SGCZ: variants seen among roughly 807,000 people sequenced by gnomAD.
SGCZ encodes the protein zeta-sarcoglycan.
SGCZ carries 40 observed loss-of-function variants against 41.3 expected under a neutral mutation model. That is an observed-to-expected ratio of 0.97 (90% CI 0.75 to 1.26). The LOEUF is 1.26. Among genes scored for constraint, SGCZ ranks in the 50% most tolerant of loss-of-function variants. The pLI is 0.00. For synonymous variants in SGCZ, 206 were observed against 137.5 expected, an observed-to-expected ratio of 1.50 and a Z score of -3.49; for missense variants, 552 against 369.8, an observed-to-expected ratio of 1.49 and a Z score of -4.04.
chr8:14,784,464 A>T (rs1014930811), intron 1 of SGCZ, among the ~76,000 whole-genome samples: 6 of 152,078 alleles, frequency 3.9e-5, no homozygotes, highest in Non-Finnish European at 5.9e-5. Flanking sequence ...AATAGTATCA[A>T]ATTTGGGTAA....
chr8:14,440,653 G>A (rs1268701894), intron 2 of SGCZ, among the ~76,000 whole-genome samples: 1 of 150,018 alleles, frequency 6.7e-6, no homozygotes, highest in Non-Finnish European at 1.5e-5. Flanking sequence ...TCATATACAT[G>A]TATATATGTG....
intron 2 of SGCZ, among the ~76,000 whole-genome samples, chr8:14,325,837 G>A (rs1004324447): frequency 4.2e-5 from 6 of 144,376 alleles, no homozygotes; most frequent in African/African-American, 1.3e-4. Flanking sequence ...TGGGCCCGGC[G>A]CGGTGGCTCA....
intron 5 of SGCZ, among the ~76,000 whole-genome samples, chr8:14,123,063 G>C (rs1005312091): frequency 2.6e-5 from 4 of 152,094 alleles, no homozygotes; most frequent in Non-Finnish European, 5.9e-5. Flanking sequence ...ACCAAGTGTT[G>C]AAAAGAAGAA....
rs1341245535 is a variant in SGCZ at position 14,088,124 on chromosome 8, T to C, written c.*2319A>G. On this transcript the variant is annotated 3_prime_UTR_variant, in exon 8 of 8. Transcript: ENST00000382080. The stretch of plus-strand genomic sequence containing the variant: ...TGACATATAATTTAAAATTTCATTT[T>C]TCTCTTTTGCCTTTTGTAATTTTGA... 2.0e-5 allele frequency among the ~76,000 whole-genome samples: 3 copies of C among 151,830 alleles called. No individual in the cohort carries two copies. Among genetic ancestry groups the C allele is most frequent in the Non-Finnish European group, 4.4e-5 (3 of 67,834 alleles).
intron 4 of SGCZ, among the ~76,000 whole-genome samples, chr8:14,182,382 C>T (rs1036017986): frequency 1.3e-5 from 2 of 152,126 alleles, no homozygotes; most frequent in African/African-American, 4.8e-5. Context: ...ATTGCTCAAG[C>T]ACAGTAGGCA....
At chr8:14,803,585 G>A (rs1015103252) in intron 1 of SGCZ, among the ~76,000 whole-genome samples, 1 of 152,118 alleles carries the variant, frequency 6.6e-6, no homozygotes, top group Non-Finnish European at 1.5e-5. Context: ...CTGACGCCCA[G>A]GGAGTCTCCC....
chr8:14,318,926 G>C (rs547786054), intron 3 of SGCZ, among the ~76,000 whole-genome samples: 1 of 145,054 alleles, frequency 6.9e-6, no homozygotes, highest in Non-Finnish European at 1.5e-5. Context: ...AAAATTCTGA[G>C]ATTCACTATT....
chr8:14,916,893 A>C (rs549787744), intron 1 of SGCZ, among the ~76,000 whole-genome samples: 51 of 152,040 alleles, frequency 3.4e-4, no homozygotes, highest in African/African-American at 1.2e-3. Context: ...TTATTTATGA[A>C]TTTTTTTTGT....
chr8:14,115,157 T>A (rs1358095628), intron 5 of SGCZ, among the ~76,000 whole-genome samples: 2 of 151,998 alleles, frequency 1.3e-5, no homozygotes, highest in African/African-American at 2.4e-5. Flanking sequence ...AGTATGTGAT[T>A]ACTGAGGTTG....
chr8:15,172,317 A>G (rs1039975743), intron 1 of SGCZ, among the ~76,000 whole-genome samples: 2 of 150,554 alleles, frequency 1.3e-5, no homozygotes, highest in Non-Finnish European at 3.0e-5. Flanking sequence ...GCGCGCCACC[A>G]TGCCCGGCTA....
At position 14,282,998 on chromosome 8, in the gene SGCZ, C is replaced by T. The variant is rs111880567; in HGVS notation, c.336+41105G>A. Among the ~76,000 whole-genome samples the T allele has an allele frequency of 1.4e-3, 205 of 150,452 alleles. 1 individual carries two copies. The highest frequency in any genetic ancestry group is 4.6e-3 in the African/African-American group (190 of 40,878). The stretch of plus-strand genomic sequence containing the variant: ...CCGAGTAGCTGGGACTACAGGTGCC[C>T]GCCACCACGCCCGGCTAATTTTTTG... On this transcript the variant is annotated intron_variant, in intron 3 of 7. Coordinates refer to ENST00000382080, the MANE Select transcript of SGCZ (RefSeq NM_139167.4).
chr8:15,111,955 C>G (rs147467902), intron 1 of SGCZ, among the ~76,000 whole-genome samples: 1 of 151,968 alleles, frequency 6.6e-6, no homozygotes, highest in East Asian at 1.9e-4. Flanking sequence ...TTCATTCCTT[C>G]GTTACTTGGT....
At chr8:14,922,162 T>C (rs900597919) in intron 1 of SGCZ, among the ~76,000 whole-genome samples, 2 of 151,890 alleles carry the variant, frequency 1.3e-5, no homozygotes, top group Admixed American at 6.6e-5. Context: ...ACCAGCTGTG[T>C]AAAAGATGAT....
chr8:14,575,995 T>A (rs760904739), intron 1 of SGCZ, among the ~76,000 whole-genome samples: 10 of 149,736 alleles, frequency 6.7e-5, no homozygotes, highest in Non-Finnish European at 1.3e-4. Flanking sequence ...CATTCATAGA[T>A]CACAAAATAT....
At chr8:14,406,645 G>A (rs7003898) in intron 2 of SGCZ, among the ~76,000 whole-genome samples, 20,381 of 151,962 alleles carry the variant, frequency 0.13, 2,995 homozygotes, top group African/African-American at 0.36. Context: ...GGGCAGAAGC[G>A]CCTCCCCATT....
chr8:14,256,110 G>T (rs982732153), intron 3 of SGCZ, among the ~76,000 whole-genome samples: 1 of 152,042 alleles, frequency 6.6e-6, no homozygotes, highest in African/African-American at 2.4e-5. Context: ...TTTAGGAAAA[G>T]CTGGGATACT....
chr8:14,821,873 G>C lies in SGCZ; in HGVS notation c.40-266947C>G, dbSNP rs556065358. On this transcript the variant is annotated intron_variant, in intron 1 of 7. Coordinates refer to ENST00000382080, the MANE Select transcript of SGCZ (RefSeq NM_139167.4). The stretch of plus-strand genomic sequence containing the variant: ...TACTATCATACCGAATGGGGAAAAA[G>C]TCTACAGTTTTCACTCTAAAATTAG... 5.1e-4 allele frequency among the ~76,000 whole-genome samples: 77 copies of C among 152,164 alleles called. 1 individual carries two copies. Among genetic ancestry groups the C allele is most frequent in the African/African-American group, 1.8e-3 (73 of 41,528 alleles).
At chr8:15,099,246 A>G (rs2131078301) in intron 1 of SGCZ, among the ~76,000 whole-genome samples, 1 of 152,314 alleles carries the variant, frequency 6.6e-6, no homozygotes, top group African/African-American at 2.4e-5. Flanking sequence ...TTGAACATAA[A>G]AATAGAGCAA....
chr8:14,411,447 A>G (rs1471188600), intron 2 of SGCZ, among the ~76,000 whole-genome samples: 1 of 152,142 alleles, frequency 6.6e-6, no homozygotes, highest in Non-Finnish European at 1.5e-5. Context: ...AAAATGCCTA[A>G]TTATGCTGAA....
Sources: gnomAD v4.1 joint callset for allele counts (sites outside exome capture counted in the v4.1 genomes callset) on GRCh38, gnomAD v4.1.1 for gene constraint, MANE v1.5 for transcripts, NCBI Gene and HGNC (gene_info 2026-07-23, HGNC 2026-07-21) for gene names.